Variants in CTPS2 observed in about 807,000 individuals in gnomAD.
CTPS2 encodes the protein CTP synthase II.
In CTPS2, 19 loss-of-function variants were observed where a neutral mutation model predicts 46.8. The observed-to-expected ratio is 0.41, with a 90% confidence interval of 0.28 to 0.60. The LOEUF is 0.60. Among genes scored for constraint, CTPS2 ranks in the 20% least tolerant of loss-of-function variants. The pLI is 0.35. For synonymous variants in CTPS2, 151 were observed against 165.2 expected (o/e 0.91, Z 0.66); for missense variants, 286 against 447.6 (o/e 0.64, Z 3.26).
chrX:16,671,668 C>A (rs12391244), intron 10 of CTPS2, among the ~76,000 whole-genome samples: 7,650 of 108,327 alleles, frequency 0.071, 297 homozygotes, highest in African/African-American at 0.13. Context: ...GCACACGCCA[C>A]CACGCCCAGC....
chrX:16,608,281 T>C (rs1274385496), intron 17 of CTPS2, among the ~76,000 whole-genome samples: 1 of 110,794 alleles, frequency 9.0e-6, no homozygotes, highest in Non-Finnish European at 1.9e-5. Flanking sequence ...TTATTCAAAC[T>C]TGATTTTTAA....
At chrX:16,690,778 C>T (rs896344261) in intron 7 of CTPS2, among the ~76,000 whole-genome samples, 1 of 112,092 alleles carries the variant, frequency 8.9e-6, no homozygotes, top group Admixed American at 9.5e-5. Context: ...CCCTACAGAG[C>T]AGAGAACCTA....
At chrX:16,628,684 T>C (rs183538947) in intron 14 of CTPS2, among the ~76,000 whole-genome samples, 27 of 112,056 alleles carry the variant, frequency 2.4e-4, no homozygotes, top group Non-Finnish European at 4.5e-4. Flanking sequence ...CTTTCATTTG[T>C]TTTCCATTTA....
intron 11 of CTPS2, among the ~76,000 whole-genome samples, chrX:16,668,130 C>A (rs1196773908): frequency 2.7e-5 from 3 of 109,419 alleles, no homozygotes; most frequent in Non-Finnish European, 5.7e-5. Flanking sequence ...GGTGTGGTGG[C>A]ATGCACCTAT....
At chrX:16,694,300 C>T (rs764030116) in intron 4 of CTPS2, among the ~76,000 whole-genome samples, 2 of 111,905 alleles carry the variant, frequency 1.8e-5, no homozygotes, top group South Asian at 3.7e-4. Flanking sequence ...GTACTCCATG[C>T]TCTTCCTTCC....
At chrX:16,641,317 G>T (rs1351456067) in intron 13 of CTPS2, among the ~76,000 whole-genome samples, 1 of 112,495 alleles carries the variant, frequency 8.9e-6, no homozygotes, top group East Asian at 2.8e-4. Flanking sequence ...CGACTCTTCA[G>T]TCTTCCTCAC....
At chrX:16,607,079 G>A (rs755160958) in intron 17 of CTPS2, among the ~76,000 whole-genome samples, 1 of 112,880 alleles carries the variant, frequency 8.9e-6, no homozygotes, top group Non-Finnish European at 1.9e-5. Context: ...ACCACCACCC[G>A]CCATGCGGGA....
chrX:16,604,642 CAAAAAAA>C (rs1391412669), intron 17 of CTPS2, among the ~76,000 whole-genome samples: 1 of 56,738 alleles, frequency 1.8e-5, no homozygotes, highest in Admixed American at 2.0e-4. Flanking sequence ...GCCTGAGAAA[CAAAAAAA>C]AAAAAAAAGG....
intron 4 of CTPS2, among the ~76,000 whole-genome samples, chrX:16,695,712 C>T (rs975948516): frequency 1.4e-4 from 15 of 109,364 alleles, no homozygotes; most frequent in South Asian, 4.0e-4. Context: ...CCACCACGCC[C>T]GGCTAATTTT....
intron 14 of CTPS2, among the ~76,000 whole-genome samples, chrX:16,632,569 A>C (rs1440317427): frequency 9.1e-6 from 1 of 110,007 alleles, no homozygotes; most frequent in African/African-American, 3.3e-5. Flanking sequence ...CTACAGGCAC[A>C]CACCACACCA....
chrX:16,710,028 T>C (rs1925353578), intron 1 of CTPS2, among the ~76,000 whole-genome samples: 1 of 109,122 alleles, frequency 9.2e-6, no homozygotes, highest in Admixed American at 1.0e-4. Flanking sequence ...CCCTCCTGTC[T>C]CTCACCCCTC....
chrX:16,685,660 C>T (rs983743542), intron 8 of CTPS2, among the ~76,000 whole-genome samples: 4 of 105,582 alleles, frequency 3.8e-5, no homozygotes, highest in Admixed American at 1.0e-4. Flanking sequence ...AGATCAAGAT[C>T]GTCCTGGCTA....
chrX:16,592,164 A>C (rs1282659974), intron 17 of CTPS2, among the ~76,000 whole-genome samples: 3 of 109,431 alleles, frequency 2.7e-5, no homozygotes, highest in African/African-American at 1.0e-4. Flanking sequence ...CTAGTCTCCA[A>C]CTACTGGCCT....
At chrX:16,627,000 T>C (rs1478445272) in intron 14 of CTPS2, 1 of 113,895 alleles carries the variant, frequency 8.8e-6, no homozygotes, top group East Asian at 2.8e-4. Flanking sequence ...CAATCACCCA[T>C]AGCATCTAAT....
intron 1 of CTPS2, among the ~76,000 whole-genome samples, chrX:16,706,719 G>A (rs972853008): frequency 2.2e-4 from 24 of 110,513 alleles, no homozygotes; most frequent in African/African-American, 7.9e-4. Context: ...AAATTAGCCG[G>A]GCGTGGTTGT....
chrX:16,612,301 G>C (rs1602135773), intron 16 of CTPS2, among the ~76,000 whole-genome samples: 1 of 111,823 alleles, frequency 8.9e-6, no homozygotes, highest in South Asian at 3.7e-4. Context: ...ATGTTTCCAA[G>C]GGGTATCTAA....
At chrX:16,693,687 G>A (rs1444488650) in intron 4 of CTPS2, among the ~76,000 whole-genome samples, 200 bp from the exon 5 acceptor site, 1 of 111,500 alleles carries the variant, frequency 9.0e-6, no homozygotes, top group African/African-American at 3.3e-5. Context: ...CGCTTTGGGA[G>A]GCCAAGGCAG....
At chrX:16,641,782 C>T in intron 13 of CTPS2, among the ~76,000 whole-genome samples, 1 of 112,044 alleles carries the variant, frequency 8.9e-6, no homozygotes, top group Non-Finnish European at 1.9e-5. Context: ...ATCTGCCTTA[C>T]TGCTTACTTG....
chrX:16,687,491 A>AAAAG (rs1159690024), intron 8 of CTPS2, among the ~76,000 whole-genome samples: 10 of 107,938 alleles, frequency 9.3e-5, no homozygotes, highest in African/African-American at 3.4e-4. Context: ...AAAAAAAAAA[A>AAAAG]AAAGAAAGAA....
Sources: allele counts gnomAD v4.1 joint callset (sites outside exome capture counted in the v4.1 genomes callset), GRCh38; gene constraint gnomAD v4.1.1; transcripts MANE v1.5; gene names NCBI Gene and HGNC (gene_info 2026-07-23, HGNC 2026-07-21).